C12orf43: variants seen among roughly 807,000 people sequenced by gnomAD.
C12orf43 encodes the protein chromosome 12 open reading frame 43.
Under a neutral mutation model 20.6 loss-of-function variants are expected in C12orf43, and 15 were observed. The ratio of observed to expected loss-of-function variants is 0.73; its 90% CI spans 0.49 to 1.12. The LOEUF (loss-of-function observed/expected upper bound fraction) is 1.12, where lower values mean the gene tolerates loss of function less well. Among genes scored for constraint, C12orf43 ranks in the 50% most tolerant of loss-of-function variants. C12orf43 has a pLI of 0.00. For synonymous variants in C12orf43, 144 were observed against 130.8 expected (o/e 1.10, Z -0.69); for missense variants, 334 against 344.4 (o/e 0.97, Z 0.24).
At position 121,001,208 on chromosome 12, in the gene C12orf43, C is replaced by G; in HGVS notation, c.*2945G>C. ...CTCCCAGTAACCACGGCACCTGGGC[C>G]CTGGGGCCTGTACTGCCTGCTTGGG... On this transcript the variant is annotated 3_prime_UTR_variant, in exon 6 of 6. Coordinates refer to ENST00000288757, the MANE Select transcript of C12orf43 (RefSeq NM_022895.3). 6.2e-7 allele frequency: 1 copy of G among 1,613,616 alleles called. No homozygotes were observed. Among genetic ancestry groups the G allele is most frequent in the South Asian group, 1.1e-5 (1 of 91,036 alleles).
At chr12:121,013,215 C>T (rs1451757112) in intron 1 of C12orf43, among the ~76,000 whole-genome samples, 1 of 152,168 alleles carries the variant, frequency 6.6e-6, no homozygotes, top group African/African-American at 2.4e-5. Flanking sequence ...CCTGGATGGA[C>T]AGTCTTTAAA....
chr12:121,009,954 G>T (rs1214377052), intron 3 of C12orf43, among the ~76,000 whole-genome samples: 1 of 152,164 alleles, frequency 6.6e-6, no homozygotes, highest in African/African-American at 2.4e-5. Flanking sequence ...GCGGGAATGA[G>T]CTTCTCGATG....
intron 1 of C12orf43, among the ~76,000 whole-genome samples, chr12:121,012,111 G>A (rs1237341993): frequency 6.6e-6 from 1 of 152,236 alleles, no homozygotes; most frequent in Non-Finnish European, 1.5e-5. Flanking sequence ...AAGGTGGGCA[G>A]AGAGGGCTTC....
Position 121,003,379 on chromosome 12 carries a change from G to T in C12orf43, c.*774C>A. The T allele has an allele frequency of 6.6e-6, 1 of 152,312 alleles. No homozygotes were observed. Among genetic ancestry groups the T allele is most frequent in the Non-Finnish European group, 1.5e-5 (1 of 68,066 alleles). 9.4% of individuals were successfully genotyped at this position (152,312 alleles called of 1,614,324 possible). A position where few individuals can be genotyped will look rare whatever the true frequency, so the allele number is the denominator to read the frequency against. ...TTGTCCCATGAAACCTAGTCCACGA[G>T]TGCTATGACACTTCCTGAAGTCTTG... On this transcript the variant is annotated 3_prime_UTR_variant, in exon 6 of 6. Transcript: ENST00000288757.
rs1241609653 is a variant in C12orf43, at chr12:121,000,837, G to GTGAAGA, written c.*3315_*3316insTCTTCA. ...TCGGCATCTCACCGGGGCTTCTCCA[G>GTGAAGA]TGTTCACACTAAGATGTACTCAGGC... On this transcript the variant is annotated 3_prime_UTR_variant, in exon 6 of 6. Coordinates refer to ENST00000288757, the MANE Select transcript of C12orf43 (RefSeq NM_022895.3). 6.9e-6 allele frequency: 4 copies of GTGAAGA among 578,988 alleles called. No homozygotes were observed. Among genetic ancestry groups the GTGAAGA allele is most frequent in the Non-Finnish European group, 1.2e-5 (4 of 321,358 alleles). 35.9% of individuals were successfully genotyped at this position (578,988 alleles called of 1,614,324 possible).
In C12orf43 at chr12:121,004,168, A is replaced by C; in HGVS notation, c.774T>G (p.Ala258=). 1 of 1,614,112 alleles carries C rather than the reference A, an allele frequency of 6.2e-7. No homozygotes were observed. Among genetic ancestry groups the C allele is most frequent in the South Asian group, 1.1e-5 (1 of 91,078 alleles). Residue 258 remains alanine (A), a synonymous_variant, in exon 6 of 6, where the codon GCT becomes GCG. Transcript: ENST00000288757. The surrounding 1 kb of genome is among the most constrained non-coding windows in gnomAD (Gnocchi z 5.6). ...SPFPPAKSAT[A]IPAN ...ATGGCTGGGTTCAGTTTGCAGGTAT[A>C]GCTGTAGCACTCTTTGCTGGTGGGA...
In C12orf43 at chr12:121,002,023, A is replaced by G; in HGVS notation, c.*2130T>C. 1.9e-6 allele frequency: 1 copy of G among 536,872 alleles called. No individual in the cohort carries two copies. Among genetic ancestry groups the G allele is most frequent in the Non-Finnish European group, 3.6e-6 (1 of 276,750 alleles). The allele number at this position is 536,872 out of a possible 1,614,324, so 33.3% of individuals were successfully genotyped here. On this transcript the variant is annotated 3_prime_UTR_variant, in exon 6 of 6. Transcript: ENST00000288757. Reference sequence around the variant, plus strand: ...TGTGGGAGCCTCGCAACCCGTGCCAAGTCCAGGTCCTGGTGGGGCAGCTCC... The same window carrying G: ...TGTGGGAGCCTCGCAACCCGTGCCAGGTCCAGGTCCTGGTGGGGCAGCTCC...
At chr12:121,014,754 G>A (rs748587665) in intron 1 of C12orf43, among the ~76,000 whole-genome samples, 3 of 152,004 alleles carry the variant, frequency 2.0e-5, no homozygotes, top group Non-Finnish European at 2.9e-5. Context: ...TGAGAAGGGA[G>A]GATCACTTGA....
In C12orf43 at chr12:121,016,456, T is replaced by A; in HGVS notation, c.19A>T (p.Thr7Ser). Residue 7 changes from threonine (T) to serine (S), a missense_variant, in exon 1 of 6, where the codon ACA becomes TCA. Physicochemically the swap from Thr to Ser is moderately conservative, Grantham distance 58. Coordinates refer to ENST00000288757, the MANE Select transcript of C12orf43 (RefSeq NM_022895.3). Reference sequence around the variant, plus strand: ...TTACTACTTTCCGAATCGCTCACTGTGCCACTGGGCGCCGCCATCTTGAAC... The same window carrying A: ...TTACTACTTTCCGAATCGCTCACTGAGCCACTGGGCGCCGCCATCTTGAAC... MAAPSGTVSDSESSNSS... is the reference protein window; with the variant it reads MAAPSGSVSDSESSNSS... The A allele has an allele frequency of 6.2e-7, 1 of 1,614,094 alleles. No homozygotes were observed. The highest frequency in any genetic ancestry group is 8.5e-7 in the Non-Finnish European group (1 of 1,180,036).
rs1380316729 is a variant in C12orf43, at chr12:121,000,712, T to A, written c.*3441A>T. 1.7e-5 allele frequency: 6 copies of A among 356,170 alleles called. No homozygotes were observed. Among genetic ancestry groups the A allele is most frequent in the Non-Finnish European group, 3.3e-5 (6 of 183,430 alleles). 22.1% of individuals were successfully genotyped at this position (356,170 alleles called of 1,614,324 possible). On this transcript the variant is annotated 3_prime_UTR_variant, in exon 6 of 6. Coordinates refer to ENST00000288757, the MANE Select transcript of C12orf43 (RefSeq NM_022895.3). Reference sequence around the variant, plus strand: ...ATCTCCTTCACTCAAAGCCAACTGATTGTGGCATTAACCACATCTACAAAG... The same window carrying A: ...ATCTCCTTCACTCAAAGCCAACTGAATGTGGCATTAACCACATCTACAAAG...
chr12:121,016,024 T>C (rs1454141586), intron 1 of C12orf43, among the ~76,000 whole-genome samples: 1 of 152,072 alleles, frequency 6.6e-6, no homozygotes, highest in African/African-American at 2.4e-5. Context: ...GGTGCGAGAA[T>C]ACCGGGAGGG....
In C12orf43 at chr12:121,005,057, C is replaced by T. The variant is rs577159438; in HGVS notation, c.398G>A (p.Arg133His). Residue 133 changes from arginine (R) to histidine (H), a missense_variant, in exon 5 of 6, where the codon CGT becomes CAT. Transcript: ENST00000288757. This position sits in a 1 kb window ranked among gnomAD's most constrained non-coding sequence, Gnocchi z 5.6. ...GGGTTGGGGAGACTCTTCCTTCTCACGGCCTCCAGGGACAGATGTGAAGAA... is the reference window on the plus strand; with the variant it reads ...GGGTTGGGGAGACTCTTCCTTCTCATGGCCTCCAGGGACAGATGTGAAGAA... The part of the protein sequence containing the change: ...RLFFTSVPGG[R>H]EKEESPQPRR... The T allele has an allele frequency of 2.3e-5, 35 of 1,502,132 alleles. No individual in the cohort carries two copies. The South Asian group carries it at 2.8e-4, about 12-fold the overall frequency. The allele number at this position is 1,502,132 out of a possible 1,614,324, so 93.1% of individuals were successfully genotyped here.
chr12:121,013,657 A>G (rs1868606156), intron 1 of C12orf43, among the ~76,000 whole-genome samples: 2 of 152,254 alleles, frequency 1.3e-5, no homozygotes, highest in Admixed American at 6.5e-5. Context: ...TGACGAGTTC[A>G]TCACTGGATT....
At chr12:121,008,324 G>A (rs1356997733) in intron 3 of C12orf43, among the ~76,000 whole-genome samples, 1 of 152,040 alleles carries the variant, frequency 6.6e-6, no homozygotes, top group Non-Finnish European at 1.5e-5. Context: ...TAGTAGAGAT[G>A]GGGTCTCACC....
At chr12:121,007,735 T>TCAGCAATGCCCTCGAGGCAGACG (rs1411674584) in intron 3 of C12orf43, among the ~76,000 whole-genome samples, 2 of 152,220 alleles carry the variant, frequency 1.3e-5, no homozygotes, top group Non-Finnish European at 2.9e-5. Flanking sequence ...AACAAGGCTC[T>TCAGCAATGCCCTCGAGGCAGACG]CAGCAATGCC....
rs1167388900 is a variant in C12orf43 at position 121,001,732 on chromosome 12, C to T, written c.*2421G>A. The T allele has an allele frequency of 5.7e-6, 3 of 528,568 alleles. No homozygotes were observed. Among genetic ancestry groups the T allele is most frequent in the South Asian group, 3.1e-5 (2 of 63,968 alleles). The allele number at this position is 528,568 out of a possible 1,614,324, so 32.7% of individuals were successfully genotyped here. A position where few individuals can be genotyped will look rare whatever the true frequency, so the allele number is the denominator to read the frequency against. On this transcript the variant is annotated 3_prime_UTR_variant, in exon 6 of 6. Transcript: ENST00000288757. ...ACCCACATGCCATTTGTACTGACCC[C>T]ATCACCTACTCACACAGGCATTTCC...
rs904013237 is a variant in C12orf43 at position 121,005,543 on chromosome 12, C to T, written c.362-450G>A. On this transcript the variant is annotated intron_variant, in intron 4 of 5. Coordinates refer to ENST00000288757, the MANE Select transcript of C12orf43 (RefSeq NM_022895.3). The surrounding 1 kb of genome is among the most constrained non-coding windows in gnomAD (Gnocchi z 5.6). The stretch of plus-strand genomic sequence containing the variant: ...GGAGCCAGCAGCCACATCAGCTCAG[C>T]AAGCCCTCAGAGGCTTCTGGAAGTC... Among the ~76,000 whole-genome samples, 2 of 152,262 alleles carry T rather than the reference C, an allele frequency of 1.3e-5. No individual in the cohort carries two copies. The highest frequency in any genetic ancestry group is 1.3e-4 in the Admixed American group (2 of 15,288).
At position 121,004,442 on chromosome 12, in the gene C12orf43, G is replaced by A. The variant is rs577099800; in HGVS notation, c.500C>T (p.Ser167Leu). 3.7e-6 allele frequency: 6 copies of A among 1,612,038 alleles called. No homozygotes were observed. Among genetic ancestry groups the A allele is most frequent in the East Asian group, 2.2e-5 (1 of 44,878 alleles). ...TGACTCCTGTAGGATGTCGGACGCCGACACAGCTGCCTCCCGGCACCGCCG... is the reference window on the plus strand; with the variant it reads ...TGACTCCTGTAGGATGTCGGACGCCAACACAGCTGCCTCCCGGCACCGCCG... ...EWRRCREAAV[S>L]ASDILQESAI... The change falls in exon 6 of 6, where the codon TCG (serine) becomes TTG (leucine). Residue 167 changes from serine (S) to leucine (L), a missense_variant. By Grantham distance (145) the Ser-to-Leu change is moderately radical. Transcript: ENST00000288757. The surrounding 1 kb of genome is among the most constrained non-coding windows in gnomAD (Gnocchi z 5.6).
intron 3 of C12orf43, among the ~76,000 whole-genome samples, chr12:121,007,779 T>C (rs1878134722): frequency 6.6e-6 from 1 of 152,160 alleles, no homozygotes; most frequent in Non-Finnish European, 1.5e-5. Context: ...CTGGGTGCTT[T>C]CCCTAACCTC....
Sources: allele counts gnomAD v4.1 joint callset (sites outside exome capture counted in the v4.1 genomes callset), GRCh38; gene constraint gnomAD v4.1.1; non-coding constraint Gnocchi (gnomAD v3.1); transcripts MANE v1.5; gene names NCBI Gene and HGNC (gene_info 2026-07-23, HGNC 2026-07-21).